EXT1: variants seen among roughly 807,000 people sequenced by gnomAD.
EXT1 encodes the protein exostosin-1.
EXT1 carries 20 observed loss-of-function variants against 82.5 expected under a neutral mutation model. The ratio of observed to expected loss-of-function variants is 0.24; its 90% CI spans 0.17 to 0.35. EXT1 has a LOEUF of 0.35. Among genes scored for constraint, EXT1 ranks in the 10% least tolerant of loss-of-function variants. The pLI is 1.00. For missense variants in EXT1, 757 were observed against 936.5 expected (o/e 0.81, Z 2.50); for synonymous variants, 348 against 350.8 (o/e 0.99, Z 0.09).
intron 1 of EXT1, among the ~76,000 whole-genome samples, chr8:117,963,187 G>A (rs190377479): frequency 2.6e-5 from 4 of 152,176 alleles, no homozygotes; most frequent in South Asian, 2.1e-4. Flanking sequence ...AGTGGAGGTC[G>A]TTAGGGCAGG....
chr8:117,867,260 G>GGAAAA (rs774425294), intron 1 of EXT1, among the ~76,000 whole-genome samples: 1 of 98,914 alleles, frequency 1.0e-5, no homozygotes, highest in Non-Finnish European at 2.0e-5. Context: ...CTCCACCTCA[G>GGAAAA]AAAAAAAAAA....
chr8:117,851,278 A>G (rs1197516602), intron 1 of EXT1, among the ~76,000 whole-genome samples: 1 of 152,120 alleles, frequency 6.6e-6, no homozygotes, highest in African/African-American at 2.4e-5. Flanking sequence ...AAAAAGAATA[A>G]TTCTGAGTGA....
At chr8:117,960,692 A>G (rs11562737) in intron 1 of EXT1, among the ~76,000 whole-genome samples, 9,602 of 152,290 alleles carry the variant, frequency 0.063, 684 homozygotes, top group African/African-American at 0.18. Context: ...TGGTTCTAAC[A>G]GAATCGACTG....
chr8:117,864,735 C>A (rs1442661280), intron 1 of EXT1, among the ~76,000 whole-genome samples: 1 of 132,920 alleles, frequency 7.5e-6, no homozygotes, highest in Non-Finnish European at 1.5e-5. Context: ...GGCGACAGAG[C>A]GAGACTCTGC....
chr8:117,871,605 G>A (rs537994512), intron 1 of EXT1, among the ~76,000 whole-genome samples: 1 of 152,288 alleles, frequency 6.6e-6, no homozygotes, highest in South Asian at 2.1e-4. Context: ...TTACCCCAAT[G>A]CAAGAACGGC....
At chr8:117,926,743 G>T (rs1194391001) in intron 1 of EXT1, among the ~76,000 whole-genome samples, 1 of 152,136 alleles carries the variant, frequency 6.6e-6, no homozygotes, top group East Asian at 1.9e-4. Context: ...CAAAGATTCA[G>T]ACCCAACAAA....
chr8:117,814,971 A>G (rs1012456409), intron 7 of EXT1, among the ~76,000 whole-genome samples: 2 of 152,314 alleles, frequency 1.3e-5, no homozygotes, highest in African/African-American at 2.4e-5. Flanking sequence ...CAAGGGACAT[A>G]GCTGTAGCAC....
At chr8:117,943,566 T>A (rs2129677972) in intron 1 of EXT1, among the ~76,000 whole-genome samples, 1 of 152,352 alleles carries the variant, frequency 6.6e-6, no homozygotes, top group East Asian at 1.9e-4. Context: ...AGTGATGATA[T>A]TCCTGCAAAA....
At chr8:117,834,129 CT>C (rs1812146038) in intron 3 of EXT1, among the ~76,000 whole-genome samples, 1 of 152,190 alleles carries the variant, frequency 6.6e-6, no homozygotes, top group African/African-American at 2.4e-5. Context: ...ATAATAGGGA[CT>C]ATGGAGATCA....
At chr8:117,951,336 G>A (rs963997137) in intron 1 of EXT1, among the ~76,000 whole-genome samples, 1 of 152,168 alleles carries the variant, frequency 6.6e-6, no homozygotes, top group Non-Finnish European at 1.5e-5. Context: ...TGAGAATATA[G>A]GTTCAGGGTC....
chr8:118,014,186 T>A (rs1195546297), intron 1 of EXT1, among the ~76,000 whole-genome samples: 1 of 152,178 alleles, frequency 6.6e-6, no homozygotes, highest in African/African-American at 2.4e-5. Flanking sequence ...AGATTTCCCA[T>A]CTACAAAATG....
At chr8:118,070,226 CTGTGTG>C (rs36229782) in intron 1 of EXT1, among the ~76,000 whole-genome samples, 22,727 of 133,288 alleles carry the variant, frequency 0.17, 1,960 homozygotes, top group East Asian at 0.42. Context: ...TCATAAATTT[CTGTGTG>C]TGTGTGTGTG....
intron 1 of EXT1, among the ~76,000 whole-genome samples, chr8:117,845,427 T>C (rs1289759289): frequency 2.6e-5 from 4 of 152,182 alleles, no homozygotes; most frequent in East Asian, 1.9e-4. Context: ...CAAGTGGTAA[T>C]TGCTACCTGT....
At chr8:117,902,590 G>T (rs566454945) in intron 1 of EXT1, among the ~76,000 whole-genome samples, 2 of 150,914 alleles carry the variant, frequency 1.3e-5, no homozygotes, top group African/African-American at 4.9e-5. Context: ...GTTATAATTA[G>T]CTCACACCAG....
intron 1 of EXT1, among the ~76,000 whole-genome samples, chr8:117,927,307 G>T (rs1813971214): frequency 6.9e-6 from 1 of 145,526 alleles, no homozygotes; most frequent in South Asian, 2.2e-4. Flanking sequence ...TTTTTACACT[G>T]CATAGGCCTA....
At chr8:118,017,758 T>G (rs1244764140) in intron 1 of EXT1, among the ~76,000 whole-genome samples, 1 of 152,230 alleles carries the variant, frequency 6.6e-6, no homozygotes, top group Non-Finnish European at 1.5e-5. Context: ...GGAATCTAAT[T>G]GCCAGCTAAA....
chr8:118,008,256 CT>C, intron 1 of EXT1, among the ~76,000 whole-genome samples: 1 of 151,454 alleles, frequency 6.6e-6, no homozygotes, highest in South Asian at 2.1e-4. Flanking sequence ...GCATATTATA[CT>C]TTTTTTTGTT....
At chr8:117,982,472 A>G (rs1815229943) in intron 1 of EXT1, among the ~76,000 whole-genome samples, 1 of 152,018 alleles carries the variant, frequency 6.6e-6, no homozygotes, top group Non-Finnish European at 1.5e-5. Flanking sequence ...TTTAAGGCCA[A>G]CTATTTAGGG....
chr8:117,849,460 T>A (rs1421266005), intron 1 of EXT1, among the ~76,000 whole-genome samples: 1 of 152,240 alleles, frequency 6.6e-6, no homozygotes, highest in African/African-American at 2.4e-5. Context: ...CCTCATGGGT[T>A]TATAAAGCCT....
Sources: allele counts gnomAD v4.1 joint callset (sites outside exome capture counted in the v4.1 genomes callset), GRCh38; gene constraint gnomAD v4.1.1; transcripts MANE v1.5; gene names NCBI Gene and HGNC (gene_info 2026-07-23, HGNC 2026-07-21).